The following COL21A1 variants were observed in gnomAD, a reference collection of about 807,000 sequenced individuals.
COL21A1 encodes collagen type XXI alpha 1 chain, also known as collagen alpha-1(XXI) chain.
Under a neutral mutation model 137.9 loss-of-function variants are expected in COL21A1, and 149 were observed. That is an observed-to-expected ratio of 1.08 (90% CI 0.95 to 1.24). The LOEUF (loss-of-function observed/expected upper bound fraction) is 1.24. Among genes scored for constraint, COL21A1 ranks in the 50% most tolerant of loss-of-function variants. The pLI is 0.00. For synonymous variants in COL21A1, 456 were observed against 391.5 expected, an observed-to-expected ratio of 1.16 and a Z score of -1.95; for missense variants, 1,167 against 1,158.4, an observed-to-expected ratio of 1.01 and a Z score of -0.11.
At chr6:56,124,011 C>T in intron 16 of COL21A1, 51 bp downstream of exon 16, 5 of 1,411,916 alleles carry the variant, frequency 3.5e-6, no homozygotes, top group Middle Eastern at 2.5e-4. Flanking sequence ...TGTTTCCTCT[C>T]AAGATACAAA....
intron 20 of COL21A1, 88 bp downstream of exon 20, chr6:56,074,144 C>A: frequency 1.2e-6 from 1 of 838,992 alleles, no homozygotes; most frequent in Non-Finnish European, 1.9e-6. Flanking sequence ...AAAATACAAT[C>A]AAGGTAGTAG....
intron 23 of COL21A1, among the ~76,000 whole-genome samples, chr6:56,066,595 G>A (rs190351473): frequency 9.2e-5 from 14 of 151,686 alleles, no homozygotes; most frequent in Non-Finnish European, 1.9e-4. Flanking sequence ...AACTTAAAAG[G>A]TTGAAAGAAC....
At chr6:56,375,239 G>T (rs1377939353) in intron 1 of COL21A1, among the ~76,000 whole-genome samples, 1 of 152,094 alleles carries the variant, frequency 6.6e-6, no homozygotes, top group Non-Finnish European at 1.5e-5. Flanking sequence ...GTCCCCACAG[G>T]AGTCTGTCCT....
At position 56,132,490 on chromosome 6, in the gene COL21A1, G is replaced by T. The variant is rs189134688; in HGVS notation, c.1543-6341C>A. On this transcript the variant is annotated intron_variant, in intron 12 of 29. Transcript: ENST00000244728. Reference sequence around the variant, plus strand: ...AAGTGACAATAATTAAAACAATTCTGCAATGGAGAAGATGTAGACAGGTCA... The same window carrying T: ...AAGTGACAATAATTAAAACAATTCTTCAATGGAGAAGATGTAGACAGGTCA... Among the ~76,000 whole-genome samples, 11 of 152,238 alleles carry T rather than the reference G, an allele frequency of 7.2e-5. No individual in the cohort carries two copies. In the East Asian group the frequency reaches 1.5e-3, roughly 21 times the overall value.
At chr6:56,250,096 G>A (rs1396967539), upstream of COL21A1, among the ~76,000 whole-genome samples, 2 of 152,144 alleles carry the variant, frequency 1.3e-5, no homozygotes, top group Non-Finnish European at 2.9e-5. Context: ...CACAATCGTT[G>A]CTTGATTTCA....
At chr6:56,064,680 A>T in intron 23 of COL21A1, 58 bp from the exon 24 acceptor site, 1 of 1,140,686 alleles carries the variant, frequency 8.8e-7, no homozygotes, top group Non-Finnish European at 1.3e-6. Context: ...GCAATCACAT[A>T]TGCAATACAA....
intron 1 of COL21A1, among the ~76,000 whole-genome samples, chr6:56,290,257 A>G (rs2152335425): frequency 6.6e-6 from 1 of 152,042 alleles, no homozygotes; most frequent in Non-Finnish European, 1.5e-5. Flanking sequence ...CACTATTGAT[A>G]TTGTGGTTAG....
At chr6:56,153,445 C>T (rs1775481371) in intron 10 of COL21A1, among the ~76,000 whole-genome samples, 1 of 151,970 alleles carries the variant, frequency 6.6e-6, no homozygotes, top group Non-Finnish European at 1.5e-5. Context: ...GCCTCATTTT[C>T]ATCATTATAA....
At chr6:56,206,671 A>C (rs1476355564) in intron 1 of COL21A1, among the ~76,000 whole-genome samples, 1 of 145,828 alleles carries the variant, frequency 6.9e-6, no homozygotes, top group Non-Finnish European at 1.5e-5. Context: ...CCTCCACCCC[A>C]ATTCAACAAA....
chr6:56,178,602 T>G (rs2152279609), intron 3 of COL21A1, among the ~76,000 whole-genome samples: 1 of 152,194 alleles, frequency 6.6e-6, no homozygotes, highest in East Asian at 1.9e-4. Context: ...TTTATATGAA[T>G]ATTACTTTAA....
intron 1 of COL21A1, among the ~76,000 whole-genome samples, chr6:56,390,601 G>T (rs1314906419): frequency 6.7e-6 from 1 of 148,802 alleles, no homozygotes; most frequent in Non-Finnish European, 1.5e-5. Context: ...GATAATAAAG[G>T]AATGGAAAAA....
At chr6:56,155,662 T>A (rs1775685069) in intron 10 of COL21A1, among the ~76,000 whole-genome samples, 1 of 152,216 alleles carries the variant, frequency 6.6e-6, no homozygotes, top group African/African-American at 2.4e-5. Flanking sequence ...GCTGGCATGA[T>A]CTCAGCTCAT....
At chr6:56,122,103 A>G (rs1007056727) in intron 16 of COL21A1, among the ~76,000 whole-genome samples, 3 of 152,216 alleles carry the variant, frequency 2.0e-5, no homozygotes, top group African/African-American at 7.2e-5. Flanking sequence ...GATACAAGCC[A>G]AAGCATGAAT....
At chr6:56,377,470 T>TA (rs2094001422) in intron 1 of COL21A1, among the ~76,000 whole-genome samples, 1 of 152,114 alleles carries the variant, frequency 6.6e-6, no homozygotes, top group South Asian at 2.1e-4. Context: ...GCTGTCCTGT[T>TA]ACAGCAGAAA....
At chr6:56,269,934 C>A (rs13219390) in intron 1 of COL21A1, among the ~76,000 whole-genome samples, 35,282 of 152,062 alleles carry the variant, frequency 0.23, 4,477 homozygotes, top group Non-Finnish European at 0.29. Context: ...TAAGAGAGTG[C>A]TAAACATGGT....
intron 18 of COL21A1, among the ~76,000 whole-genome samples, chr6:56,077,011 A>G (rs1195901917): frequency 2.0e-5 from 3 of 151,510 alleles, no homozygotes; most frequent in Non-Finnish European, 3.0e-5. Flanking sequence ...CAAAAGAATG[A>G]TAATTAGAAT....
chr6:56,139,207 G>A (rs1332495649), intron 12 of COL21A1, among the ~76,000 whole-genome samples: 1 of 152,074 alleles, frequency 6.6e-6, no homozygotes, highest in South Asian at 2.1e-4. Flanking sequence ...CAGCAGAATG[G>A]TGGCCCAATA....
At position 56,262,547 on chromosome 6, in the gene COL21A1, T is replaced by C. The variant is rs375150127; in HGVS notation, c.-38-79891A>G. 5.3e-4 allele frequency among the ~76,000 whole-genome samples: 80 copies of C among 152,258 alleles called. No individual in the cohort carries two copies. In the South Asian group the frequency reaches 0.016, roughly 31 times the overall value. ...GCAATGTGTCAGGAAAGAAGGAGAA[T>C]GTATTTTAATTAGATTTGGGTCTGT... On this transcript the variant is annotated intron_variant, in intron 1 of 28. Coordinates refer to the COL21A1 transcript ENST00000370819.
chr6:56,146,423 C>T (rs1349441585), intron 10 of COL21A1, among the ~76,000 whole-genome samples: 1 of 152,068 alleles, frequency 6.6e-6, no homozygotes, highest in Non-Finnish European at 1.5e-5. Context: ...CTCTGTCATT[C>T]TATGTATAAC....
Sources: allele counts gnomAD v4.1 joint callset (sites outside exome capture counted in the v4.1 genomes callset), GRCh38; gene constraint gnomAD v4.1.1; transcripts MANE v1.5; gene names NCBI Gene and HGNC (gene_info 2026-07-23, HGNC 2026-07-21).